MARCHF8: variants seen among roughly 807,000 people sequenced by gnomAD.
MARCHF8 encodes the protein membrane associated ring-CH-type finger 8.
A neutral mutation model predicts 51.6 loss-of-function variants in MARCHF8; 40 were observed. The observed-to-expected ratio is 0.77, with a 90% CI of 0.60 to 1.01. MARCHF8 has a LOEUF of 1.01. Among genes scored for constraint, MARCHF8 ranks in the 50% least tolerant of loss-of-function variants. MARCHF8 has a pLI of 0.00. For missense variants in MARCHF8, 685 were observed against 708.6 expected, an observed-to-expected ratio of 0.97 and a Z score of 0.38; for synonymous variants, 263 against 280.3, an observed-to-expected ratio of 0.94 and a Z score of 0.62.
chr10:45,470,090 C>T, intron 3 of MARCHF8, among the ~76,000 whole-genome samples: 1 of 152,152 alleles, frequency 6.6e-6, no homozygotes, highest in East Asian at 1.9e-4. Context: ...TTTTCCTCTA[C>T]ATGGAAAGCA....
At chr10:45,579,101 G>A (rs998835021) in intron 1 of MARCHF8, among the ~76,000 whole-genome samples, 1 of 152,156 alleles carries the variant, frequency 6.6e-6, no homozygotes, top group African/African-American at 2.4e-5. Context: ...TTTTACTGTG[G>A]TTATGCAAGA....
At chr10:45,466,549 G>T (rs1247632734) in intron 3 of MARCHF8, among the ~76,000 whole-genome samples, 2 of 152,122 alleles carry the variant, frequency 1.3e-5, no homozygotes, top group African/African-American at 2.4e-5. Context: ...AACTGATGAG[G>T]CATTGAAGGA....
chr10:45,543,077 G>A (rs1257537193), intron 1 of MARCHF8, among the ~76,000 whole-genome samples: 2 of 152,118 alleles, frequency 1.3e-5, no homozygotes, highest in Admixed American at 1.3e-4. Flanking sequence ...GGTCTACAAT[G>A]CTCTCTATAT....
chr10:45,556,591 T>G (rs1287543447), intron 1 of MARCHF8, among the ~76,000 whole-genome samples: 1 of 152,238 alleles, frequency 6.6e-6, no homozygotes, highest in African/African-American at 2.4e-5. Context: ...CTGTATGCTT[T>G]AATAATAAAA....
chr10:45,582,632 A>T (rs542809303), intron 1 of MARCHF8, among the ~76,000 whole-genome samples: 1 of 152,230 alleles, frequency 6.6e-6, no homozygotes, highest in Non-Finnish European at 1.5e-5. Context: ...AGCTATTCAG[A>T]AAAGTCAGGA....
chr10:45,560,612 C>T (rs1011083788), intron 1 of MARCHF8, among the ~76,000 whole-genome samples: 3 of 152,176 alleles, frequency 2.0e-5, no homozygotes, highest in African/African-American at 7.2e-5. Flanking sequence ...GTGAGCAGCC[C>T]GGTCCCCTAG....
At chr10:45,531,540 A>C (rs1447217948) in intron 2 of MARCHF8, among the ~76,000 whole-genome samples, 2 of 152,222 alleles carry the variant, frequency 1.3e-5, no homozygotes, top group Non-Finnish European at 2.9e-5. Flanking sequence ...GAAAGAAATG[A>C]AAGTATACTA....
At chr10:45,461,646 G>A (rs1271786378) in intron 5 of MARCHF8, 5 of 355,816 alleles carry the variant, frequency 1.4e-5, no homozygotes, top group African/African-American at 6.3e-5. Flanking sequence ...AGGAAAAAAC[G>A]ATGTAAGAAA....
In MARCHF8 at chr10:45,458,113, A is replaced by C; in HGVS notation, c.*126T>G. On this transcript the variant is annotated 3_prime_UTR_variant, in exon 8 of 8. Coordinates refer to ENST00000453424, the MANE Select transcript of MARCHF8 (RefSeq NM_001282866.2). ...ACTAAGGAGGGTTTAGAAAAAGAGA[A>C]GCCACTATAAATAGTCACCTGTCCA... is the stretch of plus-strand genomic sequence containing the variant. 1 of 1,009,442 alleles carries C rather than the reference A, an allele frequency of 9.9e-7. No homozygotes were observed. The highest frequency in any genetic ancestry group is 1.4e-6 in the Non-Finnish European group (1 of 713,720). The allele number at this position is 1,009,442 out of a possible 1,614,324, so 62.5% of individuals were successfully genotyped here.
intron 3 of MARCHF8, among the ~76,000 whole-genome samples, chr10:45,474,338 C>T (rs1206378028): frequency 1.3e-5 from 2 of 152,190 alleles, no homozygotes; most frequent in East Asian, 1.9e-4. Context: ...GCCCAGTACA[C>T]TGTGCATCGC....
At chr10:45,475,353 C>A (rs1332925343) in intron 3 of MARCHF8, among the ~76,000 whole-genome samples, 4 of 152,176 alleles carry the variant, frequency 2.6e-5, no homozygotes, top group Non-Finnish European at 4.4e-5. Flanking sequence ...TCTGCCAGGG[C>A]CTTGGAATCA....
chr10:45,567,708 C>G (rs2044380837), intron 1 of MARCHF8, among the ~76,000 whole-genome samples: 1 of 152,182 alleles, frequency 6.6e-6, no homozygotes, highest in Non-Finnish European at 1.5e-5. Context: ...AATTTGAAGT[C>G]AGGTAATGTA....
intron 1 of MARCHF8, among the ~76,000 whole-genome samples, chr10:45,582,488 A>ATT (rs1335338687): frequency 6.6e-6 from 1 of 152,218 alleles, no homozygotes; most frequent in Non-Finnish European, 1.5e-5. Flanking sequence ...AATTAAGATT[A>ATT]AACAGGAGAC....
chr10:45,468,380 G>A (rs1843040709), intron 3 of MARCHF8, among the ~76,000 whole-genome samples: 1 of 152,158 alleles, frequency 6.6e-6, no homozygotes, highest in African/African-American at 2.4e-5. Context: ...TTGGCCTCTG[G>A]CGCCTTCTGC....
chr10:45,569,307 T>C (rs917419599), intron 1 of MARCHF8, among the ~76,000 whole-genome samples: 5 of 152,084 alleles, frequency 3.3e-5, no homozygotes, highest in Admixed American at 1.3e-4. Flanking sequence ...TTTTTCAACA[T>C]AAAGAGATGT....
chr10:45,489,227 A>G (rs938556201), intron 3 of MARCHF8, 140 bp downstream of exon 3: 4 of 623,488 alleles, frequency 6.4e-6, no homozygotes, highest in Middle Eastern at 4.1e-4. Context: ...CATACCTCTT[A>G]TGGTCCCAGA....
chr10:45,584,006 C>CAA (rs67624741), intron 1 of MARCHF8, among the ~76,000 whole-genome samples: 1,081 of 52,966 alleles, frequency 0.02, 57 homozygotes, highest in African/African-American at 0.039. Context: ...ACTTCATTTC[C>CAA]AAAAAAAAAA....
At chr10:45,533,492 GAA>G (rs1220963847) in intron 1 of MARCHF8, among the ~76,000 whole-genome samples, 1 of 152,226 alleles carries the variant, frequency 6.6e-6, no homozygotes, top group Non-Finnish European at 1.5e-5. Flanking sequence ...GGGAGCACCT[GAA>G]AGAGGCAGGT....
chr10:45,542,762 G>T (rs1348491544), intron 1 of MARCHF8, among the ~76,000 whole-genome samples: 1 of 152,098 alleles, frequency 6.6e-6, no homozygotes, highest in African/African-American at 2.4e-5. Flanking sequence ...TGGAGAGAAA[G>T]TATAAAAAGA....
Sources: allele counts gnomAD v4.1 joint callset (sites outside exome capture counted in the v4.1 genomes callset), GRCh38; gene constraint gnomAD v4.1.1; transcripts MANE v1.5; gene names NCBI Gene and HGNC (gene_info 2026-07-23, HGNC 2026-07-21).